Variants in DYNC1LI2 observed in about 807,000 individuals in gnomAD.
The protein encoded by DYNC1LI2 is dynein cytoplasmic 1 light intermediate chain 2.
Under a neutral mutation model 57.8 loss-of-function variants are expected in DYNC1LI2, and 19 were observed. The ratio of observed to expected loss-of-function variants is 0.33; its 90% CI spans 0.23 to 0.48. DYNC1LI2 has a LOEUF of 0.48. DYNC1LI2 is among the 20% of genes least tolerant of loss of function. The probability of loss-of-function intolerance (pLI) is 0.99; values close to 1 mark genes in which losing one functional copy is unlikely to be tolerated. For missense variants in DYNC1LI2, 470 were observed against 604.2 expected, an observed-to-expected ratio of 0.78 and a Z score of 2.33; for synonymous variants, 256 against 233.4, an observed-to-expected ratio of 1.10 and a Z score of -0.88.
intron 5 of DYNC1LI2, among the ~76,000 whole-genome samples, chr16:66,735,301 A>C (rs556915133): frequency 6.6e-6 from 1 of 151,848 alleles, no homozygotes; most frequent in Non-Finnish European, 1.5e-5. Flanking sequence ...GGGTTTCACC[A>C]TGTCGGCCAG....
intron 2 of DYNC1LI2, among the ~76,000 whole-genome samples, chr16:66,749,519 G>A (rs980718382): frequency 6.6e-6 from 1 of 152,114 alleles, no homozygotes; most frequent in Non-Finnish European, 1.5e-5. Flanking sequence ...CAAATTCCAA[G>A]ATCTAAAATG....
rs765952477 is a variant in DYNC1LI2, at chr16:66,751,544, C to A, written c.48G>T (p.Gly16=). 2.5e-6 allele frequency: 4 copies of A among 1,587,310 alleles called. No individual in the cohort carries two copies. The highest frequency in any genetic ancestry group is 3.4e-6 in the Non-Finnish European group (4 of 1,169,254). Residue 16 remains glycine, a synonymous_variant, in exon 1 of 13, where the codon GGG becomes GGT. Transcript: ENST00000258198. The surrounding 1 kb of genome is among the most constrained non-coding windows in gnomAD (Gnocchi z 5.2). ...VEKKLLLGPN[G]PAVAAAGDLT... is the part of the protein sequence containing the mutation. ...GGTCGCCGGCGGCCGCCACCGCGGG[C>A]CCGTTGGGACCTAGCAGCAGCTTCT...
chr16:66,732,627 G>C, intron 6 of DYNC1LI2, 153 bp from the exon 7 acceptor site: 1 of 675,140 alleles, frequency 1.5e-6, no homozygotes, highest in Non-Finnish European at 2.2e-6. Flanking sequence ...AACGCTTATA[G>C]TATTACATAG....
intron 11 of DYNC1LI2, among the ~76,000 whole-genome samples, chr16:66,726,711 G>A (rs183205064): frequency 2.6e-5 from 4 of 151,910 alleles, no homozygotes; most frequent in African/African-American, 4.8e-5. Context: ...GCACAATCTC[G>A]GCTCACTGCA....
At chr16:66,732,134 G>T in intron 7 of DYNC1LI2, 1 of 584,746 alleles carries the variant, frequency 1.7e-6, no homozygotes, top group Non-Finnish European at 2.7e-6. Context: ...TTGCTCTCGA[G>T]GAAGAAAGGC....
intron 7 of DYNC1LI2, chr16:66,730,436 G>C (rs1211830568): frequency 2.2e-6 from 1 of 448,500 alleles, no homozygotes; most frequent in Non-Finnish European, 4.0e-6. Context: ...TGAGTTCATG[G>C]GCCCAAGGTC....
chr16:66,722,746 C>T lies in DYNC1LI2; in HGVS notation c.*976G>A, dbSNP rs1263612428. ...AACCAGAGTGCAATTACATTAAAAA[C>T]CTCCCCCAAACTTTCCGTGGCACAT... On this transcript the variant is annotated 3_prime_UTR_variant, in exon 13 of 13. Coordinates refer to ENST00000258198, the MANE Select transcript of DYNC1LI2 (RefSeq NM_006141.3). The T allele has an allele frequency of 1.3e-5, 2 of 153,216 alleles. No homozygotes were observed. The highest frequency in any genetic ancestry group is 4.8e-5 in the African/African-American group (2 of 41,434). 9.5% of individuals were successfully genotyped at this position (153,216 alleles called of 1,614,324 possible).
rs1470235908 is a variant in DYNC1LI2 at position 66,723,210 on chromosome 16, C to G, written c.*512G>C. On this transcript the variant is annotated 3_prime_UTR_variant, in exon 13 of 13. Transcript: ENST00000258198. Reference sequence around the variant, plus strand: ...ACTGAATGCACAGTATTTACTGACACTGCTCATCTCCTCCTTCCTCCACCT... The same window carrying G: ...ACTGAATGCACAGTATTTACTGACAGTGCTCATCTCCTCCTTCCTCCACCT... 2 of 399,802 alleles carry G rather than the reference C, an allele frequency of 5.0e-6. No homozygotes were observed. The highest frequency in any genetic ancestry group is 1.0e-5 in the Non-Finnish European group (2 of 197,188). 24.8% of individuals were successfully genotyped at this position (399,802 alleles called of 1,614,324 possible). A position where few individuals can be genotyped will look rare whatever the true frequency, so the allele number is the denominator to read the frequency against.
chr16:66,747,735 A>G (rs1339816032), intron 3 of DYNC1LI2, among the ~76,000 whole-genome samples: 1 of 151,420 alleles, frequency 6.6e-6, no homozygotes, highest in Non-Finnish European at 1.5e-5. Context: ...ACGCCTGGCT[A>G]ATGTTTTGTA....
intron 12 of DYNC1LI2, chr16:66,724,586 T>C (rs891502302): frequency 1.3e-5 from 2 of 152,234 alleles, no homozygotes; most frequent in Non-Finnish European, 2.9e-5. Context: ...TCCAGCTTCT[T>C]GGGAAAATGT....
At chr16:66,725,412 C>T (rs1167042252) in intron 12 of DYNC1LI2, among the ~76,000 whole-genome samples, 1 of 151,160 alleles carries the variant, frequency 6.6e-6, no homozygotes, top group East Asian at 1.9e-4. Context: ...ACCTGGGAGG[C>T]GGAGGTTGCA....
chr16:66,727,609 T>TTATAA (rs2017558889), intron 11 of DYNC1LI2, 79 bp downstream of exon 11: 2 of 1,418,118 alleles, frequency 1.4e-6, no homozygotes, highest in Admixed American at 3.8e-5. Flanking sequence ...CCTTATAGAC[T>TTATAA]CAGCCACCCA....
At chr16:66,729,528 A>AC (rs2017596106) in intron 8 of DYNC1LI2, among the ~76,000 whole-genome samples, 1 of 134,704 alleles carries the variant, frequency 7.4e-6, no homozygotes, top group East Asian at 2.1e-4. Flanking sequence ...ACTCCCCACT[A>AC]CCCCCCACAA....
At position 66,722,498 on chromosome 16, in the gene DYNC1LI2, A is replaced by G. The variant is rs1382993024; in HGVS notation, c.*1224T>C. The G allele has an allele frequency of 3.1e-4, 47 of 152,628 alleles. No individual in the cohort carries two copies. The highest frequency in any genetic ancestry group is 3.1e-3 in the Admixed American group (47 of 15,278). The allele number at this position is 152,628 out of a possible 1,614,324, so 9.5% of individuals were successfully genotyped here. On this transcript the variant is annotated 3_prime_UTR_variant, in exon 13 of 13. Coordinates refer to ENST00000258198, the MANE Select transcript of DYNC1LI2 (RefSeq NM_006141.3). ...GCATGAATTTGCCCTAGGTGGGGAG[A>G]CACCTGAAACTCTTATTTCCATAAG...
chr16:66,746,175 C>A (rs2017932931), intron 3 of DYNC1LI2, among the ~76,000 whole-genome samples: 1 of 151,654 alleles, frequency 6.6e-6, no homozygotes, highest in African/African-American at 2.4e-5. Flanking sequence ...GGTTTTAATG[C>A]CTACCCATCC....
intron 4 of DYNC1LI2, among the ~76,000 whole-genome samples, chr16:66,738,493 A>C (rs1293176852): frequency 3.3e-5 from 5 of 151,066 alleles, no homozygotes; most frequent in Admixed American, 1.3e-4. Flanking sequence ...CTTGTGATCC[A>C]CCCACCTCAG....
At chr16:66,730,563 A>C (rs892544654) in intron 7 of DYNC1LI2, 2 of 181,260 alleles carry the variant, frequency 1.1e-5, no homozygotes, top group African/African-American at 4.7e-5. Context: ...CCGACAGAGA[A>C]TAGGATGCAG....
Position 66,727,744 on chromosome 16 carries a change from C to T in DYNC1LI2, c.1205G>A (p.Ser402Asn). 1 of 1,614,166 alleles carries T rather than the reference C, an allele frequency of 6.2e-7. No homozygotes were observed. The highest frequency in any genetic ancestry group is 1.1e-5 in the South Asian group (1 of 91,086). ...PRTQGRGGPA[S>N]VPSSSPGTSV... is the part of the protein sequence containing the mutation. ...CGTGCCTGGGGAGGAGCTAGGCACA[C>T]TGGCTGGCCCTCCCCGACCCTGGGT... The change falls in exon 11 of 13, where the codon AGT becomes AAT. Residue 402 changes from serine to asparagine, a missense_variant. By Grantham distance (46) the Ser-to-Asn change is conservative. Transcript: ENST00000258198.
chr16:66,725,932 C>G lies in DYNC1LI2; in HGVS notation c.1274G>C (p.Ser425Thr). The change falls in exon 12 of 13, where the codon AGT (serine) becomes ACT (threonine). Residue 425 changes from serine to threonine, a missense_variant. Ser to Thr is a moderately conservative substitution (Grantham distance 58, BLOSUM62 1). Transcript: ENST00000258198. ...GAAGAAGCTGGCCAACACCCCTTCA[C>G]TTGCTGCATTATCTAAGGAAAATTA... The part of the protein sequence containing the change: ...PDPNIKNNAA[S>T]EGVLASFFNS... 1 of 1,612,622 alleles carries G rather than the reference C, an allele frequency of 6.2e-7. No homozygotes were observed.
Sources: gnomAD v4.1 joint callset for allele counts (sites outside exome capture counted in the v4.1 genomes callset) on GRCh38, gnomAD v4.1.1 for gene constraint, Gnocchi (gnomAD v3.1) non-coding constraint, MANE v1.5 for transcripts, NCBI Gene and HGNC (gene_info 2026-07-23, HGNC 2026-07-21) for gene names.